Variants in THSD7B observed in about 807,000 individuals in gnomAD.
The protein encoded by THSD7B is thrombospondin type 1 domain containing 7B, also known as thrombospondin type-1 domain-containing protein 7B.
THSD7B carries 138 observed loss-of-function variants against 213.6 expected under a neutral mutation model. The ratio of observed to expected loss-of-function variants is 0.65; its 90% CI spans 0.56 to 0.74. THSD7B has a LOEUF of 0.74. Among genes scored for constraint, THSD7B ranks in the 30% least tolerant of loss-of-function variants. The pLI, the probability that THSD7B is intolerant of heterozygous loss-of-function variation, is 0.00. For synonymous variants in THSD7B, 742 were observed against 687.0 expected (o/e 1.08, Z -1.25); for missense variants, 1,931 against 1,991.5 (o/e 0.97, Z 0.58).
At chr2:137,639,977 A>G (rs1011800488) in intron 20 of THSD7B, among the ~76,000 whole-genome samples, 2 of 152,174 alleles carry the variant, frequency 1.3e-5, no homozygotes, top group African/African-American at 4.8e-5. Context: ...TTTTGGGTTA[A>G]TGCTGAAATG....
chr2:137,347,331 C>A (rs12621580), intron 12 of THSD7B, among the ~76,000 whole-genome samples: 1 of 151,404 alleles, frequency 6.6e-6, no homozygotes, highest in East Asian at 1.9e-4. Flanking sequence ...TAAGTGGGTA[C>A]GAGTTACATG....
chr2:137,518,965 G>A (rs1163220374), intron 15 of THSD7B, among the ~76,000 whole-genome samples: 3 of 152,140 alleles, frequency 2.0e-5, no homozygotes, highest in African/African-American at 7.2e-5. Flanking sequence ...AAGGGGAAAG[G>A]GGCTGGGCAC....
intron 1 of THSD7B, among the ~76,000 whole-genome samples, chr2:136,866,577 A>G (rs778183): frequency 0.82 from 125,043 of 152,210 alleles, 51,857 homozygotes; most frequent in Non-Finnish European, 0.88. Context: ...CAAGACTATT[A>G]GTTTAGGAAA....
rs760052880 is a variant in THSD7B, at chr2:137,659,674, C to G, written c.4386C>G (p.Ser1462=). The G allele has an allele frequency of 1.2e-6, 2 of 1,600,286 alleles. No homozygotes were observed. The highest frequency in any genetic ancestry group is 4.5e-5 in the East Asian group (2 of 44,420). ...SDGVNVTGGC[S]PQARPAAIRQ... ...GAATTTCCTTTGCAGGAGGCTGCTC[C>G]CCTCAGGCCCGTCCTGCTGCCATTC... The change falls in exon 25 of 28, where the codon TCC becomes TCG. Residue 1462 remains serine (S), a synonymous_variant. Transcript: ENST00000409968.
rs1272187405 is a variant in THSD7B at position 137,447,583 on chromosome 2, A to G, written c.2960-3262A>G. Among the ~76,000 whole-genome samples the G allele has an allele frequency of 3.3e-5, 5 of 152,126 alleles. No individual in the cohort carries two copies. The East Asian group carries it at 9.6e-4, about 29-fold the overall frequency. ...AATTAGTAATCAAAACTCCTTAGAA[A>G]TGACTGTAAAATTAAAATTATGTTA... On this transcript the variant is annotated intron_variant, in intron 14 of 27. Coordinates refer to ENST00000409968, the MANE Select transcript of THSD7B (RefSeq NM_001316349.2).
At chr2:137,177,649 G>C (rs1372584016) in intron 7 of THSD7B, among the ~76,000 whole-genome samples, 1 of 152,114 alleles carries the variant, frequency 6.6e-6, no homozygotes, top group Non-Finnish European at 1.5e-5. Flanking sequence ...TTGATCCAGG[G>C]ACCAGACTTT....
At chr2:137,544,472 A>T (rs886190063) in intron 15 of THSD7B, among the ~76,000 whole-genome samples, 3 of 151,794 alleles carry the variant, frequency 2.0e-5, no homozygotes, top group Non-Finnish European at 4.4e-5. Context: ...GTGACTGCTA[A>T]TGAGTATGGT....
chr2:136,809,658 C>T (rs1682345723), intron 1 of THSD7B, among the ~76,000 whole-genome samples: 1 of 152,098 alleles, frequency 6.6e-6, no homozygotes, highest in African/African-American at 2.4e-5. Context: ...CTGAATGAGA[C>T]TAAAAGTCTT....
intron 2 of THSD7B, among the ~76,000 whole-genome samples, chr2:137,026,878 C>A (rs1047973242): frequency 6.6e-6 from 1 of 152,024 alleles, no homozygotes; most frequent in African/African-American, 2.4e-5. Flanking sequence ...TAGTGTTTGT[C>A]AATTTTCCCC....
chr2:137,124,070 A>G (rs939251547), intron 5 of THSD7B, among the ~76,000 whole-genome samples: 25 of 152,206 alleles, frequency 1.6e-4, no homozygotes, highest in Admixed American at 1.6e-3. Flanking sequence ...AGTTGTTCGC[A>G]TACACCTGCA....
At chr2:137,506,216 A>G (rs1303291045) in intron 15 of THSD7B, among the ~76,000 whole-genome samples, 1 of 152,158 alleles carries the variant, frequency 6.6e-6, no homozygotes, top group African/African-American at 2.4e-5. Context: ...ACATTACAGA[A>G]GCTAGAATGA....
chr2:137,375,098 T>C (rs1187631191), intron 12 of THSD7B, among the ~76,000 whole-genome samples: 1 of 152,188 alleles, frequency 6.6e-6, no homozygotes, highest in Non-Finnish European at 1.5e-5. Context: ...ATTTGAATCA[T>C]CCGGGTGGCC....
intron 17 of THSD7B, among the ~76,000 whole-genome samples, chr2:137,587,574 G>A (rs965033614): frequency 4.5e-4 from 68 of 152,344 alleles, no homozygotes; most frequent in African/African-American, 1.5e-3. Context: ...CTCAACTGCA[G>A]GTCTGTTGGA....
chr2:136,806,452 C>T (rs13026471), intron 1 of THSD7B, among the ~76,000 whole-genome samples: 21,628 of 152,188 alleles, frequency 0.14, 2,244 homozygotes, highest in Non-Finnish European at 0.22. Flanking sequence ...AGTATGTGTA[C>T]ATTTAGGATA....
chr2:137,162,672 T>C (rs1485365719), intron 6 of THSD7B, among the ~76,000 whole-genome samples: 1 of 152,156 alleles, frequency 6.6e-6, no homozygotes, highest in Non-Finnish European at 1.5e-5. Context: ...TGCTTTTGCC[T>C]GCTTTCTTTC....
chr2:137,535,710 A>G (rs559299834), intron 15 of THSD7B, among the ~76,000 whole-genome samples: 10 of 151,768 alleles, frequency 6.6e-5, no homozygotes, highest in Non-Finnish European at 1.0e-4. Context: ...GTAGACTGCA[A>G]AGAAGTAAAA....
intron 15 of THSD7B, among the ~76,000 whole-genome samples, chr2:137,469,007 T>G (rs1004525436): frequency 6.6e-6 from 1 of 152,236 alleles, no homozygotes; most frequent in African/African-American, 2.4e-5. Context: ...TGTAGTTGAT[T>G]AGGCCATGTC....
At chr2:137,260,594 C>T (rs1682420114) in intron 10 of THSD7B, among the ~76,000 whole-genome samples, 1 of 152,122 alleles carries the variant, frequency 6.6e-6, no homozygotes, top group Admixed American at 6.6e-5. Flanking sequence ...ACAACCTTGT[C>T]TCTACAAAAA....
intron 1 of THSD7B, among the ~76,000 whole-genome samples, chr2:136,852,343 C>CAAAAG (rs1683111510): frequency 1.3e-5 from 2 of 151,400 alleles, no homozygotes; most frequent in Non-Finnish European, 2.9e-5. Context: ...CAAAACAAAA[C>CAAAAG]AAAACAACAA....
Sources: allele counts gnomAD v4.1 joint callset (sites outside exome capture counted in the v4.1 genomes callset), GRCh38; gene constraint gnomAD v4.1.1; transcripts MANE v1.5; gene names NCBI Gene and HGNC (gene_info 2026-07-23, HGNC 2026-07-21).